RBM19: variants seen among roughly 807,000 people sequenced by gnomAD.
The protein encoded by RBM19 is probable RNA-binding protein 19.
A neutral mutation model predicts 116.8 loss-of-function variants in RBM19; 94 were observed. That is an observed-to-expected ratio of 0.80 (90% confidence interval 0.68 to 0.95). The LOEUF (loss-of-function observed/expected upper bound fraction) is 0.95, where lower values mean the gene tolerates loss of function less well. RBM19 is among the 40% of genes least tolerant of loss of function. RBM19 has a pLI of 0.00. For missense variants in RBM19, 1,161 were observed against 1,220.7 expected, an observed-to-expected ratio of 0.95 and a Z score of 0.73; for synonymous variants, 475 against 494.1, an observed-to-expected ratio of 0.96 and a Z score of 0.51.
intron 1 of RBM19, among the ~76,000 whole-genome samples, chr12:113,963,824 C>T (rs186831615): frequency 2.0e-5 from 3 of 152,224 alleles, no homozygotes; most frequent in South Asian, 2.1e-4. Flanking sequence ...TTCAGCACCA[C>T]GCTTTGACAA....
chr12:113,837,277 A>ACACACACACACACC (rs1876046121), intron 23 of RBM19, among the ~76,000 whole-genome samples: 2 of 151,054 alleles, frequency 1.3e-5, no homozygotes, highest in African/African-American at 2.4e-5. Context: ...ACACACACAC[A>ACACACACACACACC]CGTGTGCTAC....
chr12:113,824,166 C>T (rs560678410), intron 23 of RBM19, among the ~76,000 whole-genome samples: 48 of 152,338 alleles, frequency 3.2e-4, no homozygotes, highest in African/African-American at 9.6e-4. Flanking sequence ...CTCCTGTCAG[C>T]AACCCCACAG....
At chr12:113,832,477 G>A (rs952966695) in intron 23 of RBM19, among the ~76,000 whole-genome samples, 3 of 152,112 alleles carry the variant, frequency 2.0e-5, no homozygotes, top group Non-Finnish European at 4.4e-5. Context: ...GGCATGAGCC[G>A]CCACTTTTGG....
At chr12:113,869,306 T>C (rs10850232) in intron 21 of RBM19, among the ~76,000 whole-genome samples, 36,328 of 152,070 alleles carry the variant, frequency 0.24, 5,159 homozygotes, top group African/African-American at 0.37. Context: ...ACATGGATAA[T>C]TGGAAGAAAT....
chr12:113,880,856 C>G (rs1468456310), intron 21 of RBM19, among the ~76,000 whole-genome samples: 1 of 152,188 alleles, frequency 6.6e-6, no homozygotes, highest in Non-Finnish European at 1.5e-5. Flanking sequence ...CCATGACCCT[C>G]TCATGTGCTC....
chr12:113,854,897 G>A (rs1226999437), intron 22 of RBM19, among the ~76,000 whole-genome samples: 9 of 152,226 alleles, frequency 5.9e-5, no homozygotes, highest in Non-Finnish European at 7.3e-5. Context: ...GTGGGGCAGT[G>A]CGAGTGTGGT....
chr12:113,845,492 T>C (rs1312374051), intron 22 of RBM19, among the ~76,000 whole-genome samples: 2 of 152,184 alleles, frequency 1.3e-5, no homozygotes, highest in African/African-American at 2.4e-5. Flanking sequence ...ACACTGCTTG[T>C]CTGAAGACAA....
intron 21 of RBM19, among the ~76,000 whole-genome samples, chr12:113,913,707 C>T (rs1470673400): frequency 6.6e-6 from 1 of 152,214 alleles, no homozygotes; most frequent in Non-Finnish European, 1.5e-5. Flanking sequence ...CACAGATTAC[C>T]TTGCAAGATG....
intron 16 of RBM19, among the ~76,000 whole-genome samples, chr12:113,931,636 A>C (rs1382917207): frequency 1.3e-5 from 2 of 151,192 alleles, no homozygotes; most frequent in African/African-American, 4.9e-5. Context: ...CTCTCCCGTC[A>C]CCTCCGTTCC....
At chr12:113,865,839 G>C in intron 21 of RBM19, among the ~76,000 whole-genome samples, 1 of 150,508 alleles carries the variant, frequency 6.6e-6, no homozygotes, top group South Asian at 2.1e-4. Flanking sequence ...AAAAAAAAAA[G>C]GGGGCAGGGG....
chr12:113,930,574 C>T (rs1869514538), intron 16 of RBM19, among the ~76,000 whole-genome samples: 1 of 152,220 alleles, frequency 6.6e-6, no homozygotes. Context: ...GTTGGCCTGG[C>T]ATGGGGCTCA....
At chr12:113,851,002 T>C (rs1018719327) in intron 22 of RBM19, among the ~76,000 whole-genome samples, 1 of 152,206 alleles carries the variant, frequency 6.6e-6, no homozygotes, top group Admixed American at 6.5e-5. Flanking sequence ...GCCATCACCC[T>C]GAGAGAGAGA....
chr12:113,820,434 G>A (rs996123640), downstream of RBM19, among the ~76,000 whole-genome samples: 1 of 152,096 alleles, frequency 6.6e-6, no homozygotes, highest in Non-Finnish European at 1.5e-5. Flanking sequence ...GGGCCCTGGG[G>A]TGGGAGCCTG....
At chr12:113,871,589 C>T (rs1446452604) in intron 21 of RBM19, among the ~76,000 whole-genome samples, 4 of 152,174 alleles carry the variant, frequency 2.6e-5, no homozygotes, top group Non-Finnish European at 5.9e-5. Flanking sequence ...TTTACCAAAA[C>T]GGACGACGGG....
Position 113,822,747 on chromosome 12 carries a change from AG to A in RBM19, c.*476del, listed in dbSNP as rs1238307338. 2 of 159,680 alleles carry A rather than the reference AG, an allele frequency of 1.3e-5. No homozygotes were observed. Among genetic ancestry groups the A allele is most frequent in the Non-Finnish European group, 2.7e-5 (2 of 73,234 alleles). The allele number at this position is 159,680 out of a possible 1,614,324, so 9.9% of individuals were successfully genotyped here. On this transcript the variant is annotated 3_prime_UTR_variant, in exon 24 of 24. Coordinates refer to ENST00000261741, the MANE Select transcript of RBM19 (RefSeq NM_016196.4). ...AAACCTTATGAAGTAAGAACTAGCT[AG>A]CAAGGGGAAGGCTGGGCCCAAGGAG...
rs191406771 is a variant in RBM19 at position 113,841,359 on chromosome 12, T to A, written c.2785+3309A>T. Among the ~76,000 whole-genome samples the A allele has an allele frequency of 3.6e-3, 546 of 152,212 alleles. 6 individuals are homozygous for A. Among genetic ancestry groups the A allele is most frequent in the Non-Finnish European group, 4.5e-3 (307 of 68,012 alleles). ...CGATGAGTTAGAAGGGCCAAAGCCA[T>A]GAAGTCAGTGAACACTCACATACCC... is the stretch of plus-strand genomic sequence containing the variant. On this transcript the variant is annotated intron_variant, in intron 23 of 23. Coordinates refer to ENST00000261741, the MANE Select transcript of RBM19 (RefSeq NM_016196.4).
chr12:113,842,388 G>T (rs773765019), intron 23 of RBM19, among the ~76,000 whole-genome samples: 1 of 152,242 alleles, frequency 6.6e-6, no homozygotes, highest in Non-Finnish European at 1.5e-5. Context: ...GCTTGTCAAT[G>T]GTTGTCGATA....
At chr12:113,939,203 G>C (rs1870331723) in intron 15 of RBM19, among the ~76,000 whole-genome samples, 1 of 152,258 alleles carries the variant, frequency 6.6e-6, no homozygotes, top group South Asian at 2.1e-4. Context: ...CTACATGGGA[G>C]GCTGAGGTGG....
At chr12:113,945,644 C>T (rs1304046386) in intron 13 of RBM19, among the ~76,000 whole-genome samples, 184 bp downstream of exon 13, 1 of 152,194 alleles carries the variant, frequency 6.6e-6, no homozygotes, top group Admixed American at 6.5e-5. Context: ...TGGAGCCTGG[C>T]TGGGGATGTT....
Sources: gnomAD v4.1 joint callset for allele counts (sites outside exome capture counted in the v4.1 genomes callset) on GRCh38, gnomAD v4.1.1 for gene constraint, MANE v1.5 for transcripts, NCBI Gene and HGNC (gene_info 2026-07-23, HGNC 2026-07-21) for gene names.